SCAF8: variants seen among roughly 807,000 people sequenced by gnomAD.
The protein encoded by SCAF8 is SR-related and CTD-associated factor 8.
SCAF8 carries 23 observed loss-of-function variants against 140.5 expected under a neutral mutation model. That is an observed-to-expected ratio of 0.16 (90% CI 0.12 to 0.23). SCAF8 has a LOEUF of 0.23. Ranked by LOEUF, SCAF8 falls within the 10% of genes least tolerant of loss-of-function variation. The pLI is 1.00. For synonymous variants in SCAF8, 575 were observed against 528.9 expected (o/e 1.09, Z -1.20); for missense variants, 1,397 against 1,555.7 (o/e 0.90, Z 1.72).
intron 9 of SCAF8, 71 bp from the exon 10 acceptor site, chr6:154,807,999 C>G (rs539104454): frequency 7.5e-7 from 1 of 1,341,924 alleles, no homozygotes; most frequent in East Asian, 2.4e-5. Context: ...GTGATGTTTG[C>G]TGTGTTTACA....
At chr6:154,779,953 T>C (rs1032243811) in intron 3 of SCAF8, among the ~76,000 whole-genome samples, 23 of 152,184 alleles carry the variant, frequency 1.5e-4, no homozygotes, top group Non-Finnish European at 4.4e-5. Context: ...AATCAGGACA[T>C]TGATACAGTC....
In SCAF8 at chr6:154,831,038, G is replaced by T; in HGVS notation, c.2257G>T (p.Ala753Ser). Residue 753 changes from alanine (A) to serine (S), a missense_variant, in exon 19 of 20, where the codon GCT (alanine) becomes TCT (serine). This residue lies in a region of SCAF8 where 930 missense variants were observed against 874.6 expected (regional missense o/e 1.06). Transcript: ENST00000367178. Reference sequence around the variant, plus strand: ...CAATCTTGCTACTTCCGCTCTGCCAGCTGGAAATGTTTTTAATGCTCCAAC... The same window carrying T: ...CAATCTTGCTACTTCCGCTCTGCCATCTGGAAATGTTTTTAATGCTCCAAC... ...ASNLATSALP[A>S]GNVFNAPTKQ... The T allele has an allele frequency of 2.5e-6, 4 of 1,614,038 alleles. No individual in the cohort carries two copies. The highest frequency in any genetic ancestry group is 3.4e-6 in the Non-Finnish European group (4 of 1,179,952).
chr6:154,770,092 T>G (rs1261407911), intron 1 of SCAF8, among the ~76,000 whole-genome samples: 4 of 152,202 alleles, frequency 2.6e-5, no homozygotes, highest in Non-Finnish European at 5.9e-5. Flanking sequence ...TAAAATTCCC[T>G]GTGAGTTTGA....
At chr6:154,760,622 T>C (rs1442626288) in intron 1 of SCAF8, among the ~76,000 whole-genome samples, 1 of 152,194 alleles carries the variant, frequency 6.6e-6, no homozygotes, top group Non-Finnish European at 1.5e-5. Flanking sequence ...AAAAGCAGAT[T>C]AAGTTTCATG....
chr6:154,793,576 A>T (rs1368273939), intron 5 of SCAF8, among the ~76,000 whole-genome samples: 1 of 151,720 alleles, frequency 6.6e-6, no homozygotes, highest in East Asian at 1.9e-4. Flanking sequence ...GCACTTTGGG[A>T]GGCCGAGGCA....
chr6:154,789,555 T>C (rs1777352323), intron 4 of SCAF8, among the ~76,000 whole-genome samples: 2 of 150,856 alleles, frequency 1.3e-5, no homozygotes, highest in South Asian at 4.2e-4. Flanking sequence ...TTTTTTTTTT[T>C]TTTTTTTTGA....
In SCAF8 at chr6:154,832,358, C is replaced by G; in HGVS notation, c.2779C>G (p.Arg927Gly). Residue 927 changes from arginine to glycine, a missense_variant, in exon 20 of 20, where the codon CGT becomes GGT. Physicochemically the swap from Arg to Gly is moderately radical, Grantham distance 125. Around this residue, in one of 5 missense-constraint regions of SCAF8, gnomAD observed 930 missense variants for 874.6 expected, o/e 1.06. Coordinates refer to ENST00000367178, the MANE Select transcript of SCAF8 (RefSeq NM_014892.5). Reference protein sequence around the residue: ...RMPTMPMLDIRPGLIPQAPGP... With the variant: ...RMPTMPMLDIGPGLIPQAPGP... The stretch of plus-strand genomic sequence containing the variant: ...GCCCACAATGCCAATGTTAGACATT[C>G]GTCCGGGACTAATACCACAGGCACC... The G allele has an allele frequency of 6.2e-7, 1 of 1,613,974 alleles. No individual in the cohort carries two copies. Among genetic ancestry groups the G allele is most frequent in the Non-Finnish European group, 8.5e-7 (1 of 1,180,000 alleles).
chr6:154,818,257 CTAAT>C (rs200309818), intron 13 of SCAF8, among the ~76,000 whole-genome samples: 1,957 of 152,050 alleles, frequency 0.013, 46 homozygotes, highest in African/African-American at 0.045. Context: ...CTTATGATAC[CTAAT>C]TGAGTTCTGA....
intron 1 of SCAF8, among the ~76,000 whole-genome samples, chr6:154,744,507 T>G (rs1034700300): frequency 6.6e-6 from 1 of 152,232 alleles, no homozygotes; most frequent in African/African-American, 2.4e-5. Flanking sequence ...GTATTAACTT[T>G]GTGAGAATGG....
intron 6 of SCAF8, among the ~76,000 whole-genome samples, chr6:154,797,554 C>T (rs1777642159): frequency 6.6e-6 from 1 of 151,268 alleles, no homozygotes; most frequent in African/African-American, 2.4e-5. Context: ...TGCCACCATG[C>T]CCAGCTGATT....
chr6:154,830,879 T>G (rs1400904521), intron 18 of SCAF8, 43 bp from the exon 19 acceptor site: 1 of 1,467,482 alleles, frequency 6.8e-7, no homozygotes, highest in Non-Finnish European at 9.5e-7. Flanking sequence ...GCACATGAAT[T>G]GACTCATTAA....
intron 1 of SCAF8, among the ~76,000 whole-genome samples, chr6:154,735,416 A>T (rs1190590626): frequency 6.6e-6 from 1 of 152,176 alleles, no homozygotes; most frequent in Non-Finnish European, 1.5e-5. Context: ...GGCTATTTTC[A>T]ATAGCAGTGA....
rs759501292 is a variant in SCAF8 at position 154,831,990 on chromosome 6, C to T, written c.2411C>T (p.Pro804Leu). 2 of 1,612,744 alleles carry T rather than the reference C, an allele frequency of 1.2e-6. No homozygotes were observed. Among genetic ancestry groups the T allele is most frequent in the Non-Finnish European group, 1.7e-6 (2 of 1,179,520 alleles). ...GCTGCAATTTTAGGAGGACAGCCGCCAAATGTGACAAGCAATTCTGGAATT... is the reference window on the plus strand; with the variant it reads ...GCTGCAATTTTAGGAGGACAGCCGCTAAATGTGACAAGCAATTCTGGAATT... The part of the protein sequence containing the change: ...SNAAILGGQP[P>L]NVTSNSGILG... The change falls in exon 20 of 20, where the codon CCA becomes CTA. Residue 804 changes from proline (P) to leucine (L), a missense_variant. By Grantham distance (98) the Pro-to-Leu change is moderately conservative. Around this residue, in one of 5 missense-constraint regions of SCAF8, gnomAD observed 930 missense variants for 874.6 expected, o/e 1.06. Transcript: ENST00000367178.
intron 1 of SCAF8, among the ~76,000 whole-genome samples, chr6:154,738,157 G>A (rs1778475951): frequency 6.6e-6 from 1 of 151,136 alleles, no homozygotes; most frequent in Admixed American, 6.6e-5. Context: ...TGAATAGCCA[G>A]TGCACTCTAG....
At chr6:154,778,328 T>C (rs2114852879) in intron 3 of SCAF8, among the ~76,000 whole-genome samples, 1 of 152,370 alleles carries the variant, frequency 6.6e-6, no homozygotes, top group South Asian at 2.1e-4. Context: ...TGTGTTTATG[T>C]TCCACTTGGG....
chr6:154,800,884 T>C (rs1049965827), intron 6 of SCAF8, among the ~76,000 whole-genome samples: 2 of 151,466 alleles, frequency 1.3e-5, no homozygotes, highest in Admixed American at 1.3e-4. Context: ...ATAAAGCAAG[T>C]GTTCTTATTT....
Position 154,784,155 on chromosome 6 carries a change from A to ATATATATATATT in SCAF8, c.160-3703_160-3702insATATATATTTAT, listed in dbSNP as rs1408182952. Among the ~76,000 whole-genome samples the ATATATATATATT allele has an allele frequency of 4.8e-3, 437 of 91,482 alleles. 6 individuals are homozygous for ATATATATATATT. Among genetic ancestry groups the ATATATATATATT allele is most frequent in the East Asian group, 9.9e-3 (28 of 2,816 alleles). 60.0% of individuals were successfully genotyped at this position (91,482 alleles called of 152,430 possible). ...TATATATATATATATATATATATAT[A>ATATATATATATT]TATTTATTTATTTATTTTTCATGTA... On this transcript the variant is annotated intron_variant, in intron 3 of 19. Transcript: ENST00000367178.
chr6:154,832,671 C>G lies in SCAF8; in HGVS notation c.3092C>G (p.Pro1031Arg). The change falls in exon 20 of 20, where the codon CCC becomes CGC. Residue 1031 changes from proline to arginine, a missense_variant. By Grantham distance (103) the Pro-to-Arg change is moderately radical (BLOSUM62 -2). Transcript: ENST00000367178. Reference protein sequence around the residue: ...IETRESISRPPPVDVRDVVGR... With the variant: ...IETRESISRPRPVDVRDVVGR... ...ACCAGGGAAAGCATTAGTAGACCTC[C>G]CCCTGTGGATGTTAGAGATGTGGTT... The G allele has an allele frequency of 6.2e-7, 1 of 1,613,998 alleles. No individual in the cohort carries two copies. Among genetic ancestry groups the G allele is most frequent in the Non-Finnish European group, 8.5e-7 (1 of 1,179,968 alleles).
chr6:154,775,860 A>C (rs1776902351), intron 2 of SCAF8, among the ~76,000 whole-genome samples: 1 of 152,084 alleles, frequency 6.6e-6, no homozygotes, highest in Non-Finnish European at 1.5e-5. Flanking sequence ...ATTTAAACCT[A>C]AGTTGCAAAT....
Sources: gnomAD v4.1 joint callset for allele counts (sites outside exome capture counted in the v4.1 genomes callset) on GRCh38, gnomAD v4.1.1 for gene constraint, gnomAD v4.1.1 regional missense constraint, MANE v1.5 for transcripts, NCBI Gene and HGNC (gene_info 2026-07-23, HGNC 2026-07-21) for gene names.